SGCZ: variants seen among roughly 807,000 people sequenced by gnomAD.
SGCZ encodes zeta-sarcoglycan.
Under a neutral mutation model 41.3 loss-of-function variants are expected in SGCZ, and 40 were observed. That is an observed-to-expected ratio of 0.97 (90% CI 0.75 to 1.26). The LOEUF (loss-of-function observed/expected upper bound fraction) is 1.26, where lower values mean the gene tolerates loss of function less well. Ranked by LOEUF, SGCZ falls within the 50% of genes most tolerant of loss-of-function variation. SGCZ has a pLI of 0.00. For synonymous variants in SGCZ, 206 were observed against 137.5 expected, an observed-to-expected ratio of 1.50 and a Z score of -3.49; for missense variants, 552 against 369.8, an observed-to-expected ratio of 1.49 and a Z score of -4.04.
At chr8:14,356,767 A>T (rs189829902) in intron 2 of SGCZ, among the ~76,000 whole-genome samples, 76 of 152,164 alleles carry the variant, frequency 5.0e-4, no homozygotes, top group African/African-American at 1.8e-3. Context: ...AATTCAAGAA[A>T]ATACGATTGC....
intron 1 of SGCZ, among the ~76,000 whole-genome samples, chr8:14,865,283 G>A (rs1417757208): frequency 6.6e-6 from 1 of 151,890 alleles, no homozygotes; most frequent in Non-Finnish European, 1.5e-5. Context: ...TAACTCTGCT[G>A]GAACTCTCAG....
intron 5 of SGCZ, among the ~76,000 whole-genome samples, chr8:14,153,986 G>A (rs1425689636): frequency 6.6e-6 from 1 of 151,630 alleles, no homozygotes; most frequent in Non-Finnish European, 1.5e-5. Context: ...CAGCAACAAG[G>A]CAGCTGTCTG....
chr8:14,318,530 T>C (rs1195576324), intron 3 of SGCZ, among the ~76,000 whole-genome samples: 1 of 151,950 alleles, frequency 6.6e-6, no homozygotes, highest in African/African-American at 2.4e-5. Context: ...TAAACTAATG[T>C]GGATAGAGAA....
At chr8:14,237,833 G>C (rs1473396963) in intron 3 of SGCZ, among the ~76,000 whole-genome samples, 154 bp from the exon 4 acceptor site, 3 of 152,206 alleles carry the variant, frequency 2.0e-5, no homozygotes, top group Non-Finnish European at 4.4e-5. Flanking sequence ...GGTGGACAAT[G>C]TACAAAACTG....
chr8:14,853,926 C>A (rs1803443101), intron 1 of SGCZ, among the ~76,000 whole-genome samples: 2 of 150,590 alleles, frequency 1.3e-5, no homozygotes. Flanking sequence ...AAATACACAC[C>A]TTTCAAGGAT....
intron 3 of SGCZ, among the ~76,000 whole-genome samples, chr8:14,306,789 C>G (rs887655309): frequency 4.6e-5 from 7 of 152,066 alleles, no homozygotes; most frequent in Non-Finnish European, 1.0e-4. Context: ...TGGTAAATAT[C>G]AGTATTAAAT....
intron 4 of SGCZ, among the ~76,000 whole-genome samples, chr8:14,203,778 G>C (rs1297253147): frequency 1.3e-5 from 2 of 152,160 alleles, no homozygotes; most frequent in Non-Finnish European, 2.9e-5. Flanking sequence ...GTATTGATGG[G>C]GAGAATTAGA....
At chr8:15,007,978 AT>A (rs2130921128) in intron 1 of SGCZ, among the ~76,000 whole-genome samples, 1 of 152,242 alleles carries the variant, frequency 6.6e-6, no homozygotes, top group East Asian at 1.9e-4. Flanking sequence ...CAAAATATTA[AT>A]TTTATACTCT....
At chr8:15,041,871 A>G (rs1804109754) in intron 1 of SGCZ, among the ~76,000 whole-genome samples, 1 of 152,180 alleles carries the variant, frequency 6.6e-6, no homozygotes, top group Non-Finnish European at 1.5e-5. Context: ...TAGTCAATCT[A>G]TTATATATTC....
intron 2 of SGCZ, among the ~76,000 whole-genome samples, chr8:14,483,683 G>A (rs1801595569): frequency 6.6e-6 from 1 of 152,174 alleles, no homozygotes; most frequent in Non-Finnish European, 1.5e-5. Flanking sequence ...CTATGTGAAT[G>A]ATCACATTTG....
intron 1 of SGCZ, among the ~76,000 whole-genome samples, chr8:14,783,519 C>T (rs1563266308): frequency 6.6e-6 from 1 of 151,610 alleles, no homozygotes. Context: ...ACTAAAATCA[C>T]TTCTTTTCAG....
intron 3 of SGCZ, among the ~76,000 whole-genome samples, chr8:14,306,246 A>T (rs964344929): frequency 6.6e-6 from 1 of 152,228 alleles, no homozygotes; most frequent in Non-Finnish European, 1.5e-5. Flanking sequence ...GCAAAATATT[A>T]AATTCAATAA....
rs141096975 is a variant in SGCZ at position 15,156,909 on chromosome 8, C to T, written c.39+80676G>A. Among the ~76,000 whole-genome samples the T allele has an allele frequency of 4.4e-3, 654 of 147,748 alleles. 7 individuals carry two copies. Among genetic ancestry groups the T allele is most frequent in the African/African-American group, 0.016 (632 of 39,720 alleles). ...GCAGTAAGCCGAGCATGCAGCATCG[C>T]ACTCCGCCTGGGCAACAAGAGGGAA... On this transcript the variant is annotated intron_variant, in intron 1 of 7. Transcript: ENST00000382080.
chr8:14,977,916 TAC>T (rs1443764453), intron 1 of SGCZ, among the ~76,000 whole-genome samples: 12 of 150,376 alleles, frequency 8.0e-5, no homozygotes, highest in Non-Finnish European at 1.3e-4. Flanking sequence ...CACACATATA[TAC>T]ACACACATAT....
chr8:14,714,919 C>G (rs1809638566), intron 1 of SGCZ, among the ~76,000 whole-genome samples: 1 of 151,984 alleles, frequency 6.6e-6, no homozygotes, highest in South Asian at 2.1e-4. Context: ...GTGAGACTTT[C>G]TTTTAGAGAA....
chr8:14,906,642 A>G (rs1004438061), intron 1 of SGCZ, among the ~76,000 whole-genome samples: 2 of 152,220 alleles, frequency 1.3e-5, no homozygotes, highest in African/African-American at 2.4e-5. Context: ...AATCCATATT[A>G]TACTTACCCC....
chr8:14,868,370 A>G (rs1300096147), intron 1 of SGCZ, among the ~76,000 whole-genome samples: 3 of 152,172 alleles, frequency 2.0e-5, no homozygotes, highest in Non-Finnish European at 4.4e-5. Flanking sequence ...AGCCACCAGT[A>G]CAGCCACCAT....
chr8:15,161,103 C>G (rs1042769217), intron 1 of SGCZ, among the ~76,000 whole-genome samples: 6 of 152,078 alleles, frequency 3.9e-5, no homozygotes, highest in Non-Finnish European at 8.8e-5. Context: ...CTTAGGTGAT[C>G]TGGTTCCCTG....
intron 1 of SGCZ, among the ~76,000 whole-genome samples, chr8:14,766,736 T>TTG (rs1800048087): frequency 6.8e-6 from 1 of 147,602 alleles, no homozygotes; most frequent in East Asian, 2.0e-4. Flanking sequence ...TATTTTTTTT[T>TTG]TTTTTTTTTT....
Sources: gnomAD v4.1 joint callset for allele counts (sites outside exome capture counted in the v4.1 genomes callset) on GRCh38, gnomAD v4.1.1 for gene constraint, MANE v1.5 for transcripts, NCBI Gene and HGNC (gene_info 2026-07-23, HGNC 2026-07-21) for gene names.